Variants in ENTREP3 observed in about 807,000 individuals in gnomAD.
The protein encoded by ENTREP3 is endosomal transmembrane epsin interactor 3, also known as protein ENTREP3.
chr1:155,253,486 T>A, the ENTREP3 span: 2 of 612,332 alleles, frequency 3.3e-6, no homozygotes, highest in Admixed American at 6.4e-5. Context: ...ATTCCTCCAA[T>A]AGATGAGGAT....
chr1:155,248,392 C>G, the ENTREP3 span: 2 of 1,613,966 alleles, frequency 1.2e-6, no homozygotes, highest in African/African-American at 2.7e-5. Context: ...GGGGCGCAAA[C>G]CACATGCCTG....
At chr1:155,250,908 C>T in the ENTREP3 span, 6 of 1,379,040 alleles carry the variant, frequency 4.4e-6, no homozygotes, top group South Asian at 6.8e-5. The surrounding 1 kb of genome is among the most constrained non-coding windows in gnomAD (Gnocchi z 5.4). Flanking sequence ...AGCCCAGCCT[C>T]TAGGGGCCAC....
At chr1:155,253,718 G>A in the ENTREP3 span, 24 of 1,609,042 alleles carry the variant, frequency 1.5e-5, no homozygotes, top group African/African-American at 1.3e-4. Flanking sequence ...GCCCACAGAC[G>A]CTGAAGAGCA....
At chr1:155,253,658 G>A in the ENTREP3 span, 1 of 1,613,964 alleles carries the variant, frequency 6.2e-7, no homozygotes, top group Non-Finnish European at 8.5e-7. Context: ...AGATTTGGAT[G>A]CAGCAGACAA....
the ENTREP3 span, chr1:155,254,884 T>A: frequency 6.4e-7 from 1 of 1,551,592 alleles, no homozygotes; most frequent in Admixed American, 1.9e-5. The surrounding 1 kb of genome is among the most constrained non-coding windows in gnomAD (Gnocchi z 4.4). Context: ...TCATGCCTGC[T>A]GCCCGGTTGC....
the ENTREP3 span, chr1:155,248,079 T>C: frequency 6.2e-7 from 1 of 1,614,224 alleles, no homozygotes; most frequent in Non-Finnish European, 8.5e-7. Context: ...CCAGTCCCAC[T>C]GGGGTCTGGG....
At chr1:155,250,213 C>G in the ENTREP3 span, 3 of 1,430,802 alleles carry the variant, frequency 2.1e-6, no homozygotes, top group Non-Finnish European at 2.8e-6. The surrounding 1 kb of genome is among the most constrained non-coding windows in gnomAD (Gnocchi z 5.4). Context: ...GTGGGCATCA[C>G]TGGCCACCTA....
the ENTREP3 span, chr1:155,255,154 T>G: frequency 5.5e-6 from 3 of 542,766 alleles, no homozygotes; most frequent in Non-Finnish European, 6.6e-6. The surrounding 1 kb of genome is among the most constrained non-coding windows in gnomAD (Gnocchi z 5.6). Flanking sequence ...CACCGGCTCA[T>G]CGCATCTCCC....
chr1:155,248,422 A>G, the ENTREP3 span: 2 of 1,614,034 alleles, frequency 1.2e-6, no homozygotes, highest in East Asian at 2.2e-5. Flanking sequence ...TGCAGAGGAA[A>G]CAGAAGCAGC....
At chr1:155,254,272 C>T in the ENTREP3 span, 1 of 1,490,494 alleles carries the variant, frequency 6.7e-7, no homozygotes, top group Non-Finnish European at 9.4e-7. The surrounding 1 kb of genome is among the most constrained non-coding windows in gnomAD (Gnocchi z 4.4). Context: ...CCCCCTCCTT[C>T]ACAGACACTT....
chr1:155,250,674 C>T, the ENTREP3 span: 3 of 1,612,472 alleles, frequency 1.9e-6, no homozygotes, highest in South Asian at 3.3e-5. The surrounding 1 kb of genome is among the most constrained non-coding windows in gnomAD (Gnocchi z 5.4). Flanking sequence ...GTAGCCGGCA[C>T]GGCTGCGCTG....
At chr1:155,250,757 C>T in the ENTREP3 span, 5 of 1,612,288 alleles carry the variant, frequency 3.1e-6, no homozygotes, top group South Asian at 1.1e-5. The surrounding 1 kb of genome is among the most constrained non-coding windows in gnomAD (Gnocchi z 5.4). Flanking sequence ...AGTCCTCCGA[C>T]GGGCTAGAGC....
the ENTREP3 span, chr1:155,250,896 C>T: frequency 4.1e-6 from 6 of 1,446,384 alleles, no homozygotes; most frequent in Non-Finnish European, 3.7e-6. This position sits in a 1 kb window ranked among gnomAD's most constrained non-coding sequence, Gnocchi z 5.4. Flanking sequence ...CCTCTTCTCC[C>T]AAGCCCAGCC....
At chr1:155,248,022 C>A in the ENTREP3 span, 9 of 1,614,028 alleles carry the variant, frequency 5.6e-6, no homozygotes, top group Non-Finnish European at 7.6e-6. Flanking sequence ...CTTTCCCAAA[C>A]ATCTTTCCTG....
At chr1:155,249,884 TCAAAAA>T in the ENTREP3 span, among the ~76,000 whole-genome samples, 1 of 116,832 alleles carries the variant, frequency 8.6e-6, no homozygotes. Context: ...AGACACCGTC[TCAAAAA>T]AAAAAAAAAA....
chr1:155,253,835 G>T, the ENTREP3 span: 1 of 1,611,762 alleles, frequency 6.2e-7, no homozygotes, highest in Non-Finnish European at 8.5e-7. Context: ...GAACCAGGAG[G>T]ATGTTTGCAG....
chr1:155,248,161 G>C, the ENTREP3 span: 1 of 1,614,038 alleles, frequency 6.2e-7, no homozygotes, highest in South Asian at 1.1e-5. Flanking sequence ...GGTCCCCCAG[G>C]GAGTGGGCAG....
the ENTREP3 span, chr1:155,251,355 A>G: frequency 1.4e-6 from 1 of 727,576 alleles, no homozygotes; most frequent in Non-Finnish European, 2.3e-6. Flanking sequence ...ACCAGGCTCT[A>G]GGGAAGATCA....
At chr1:155,250,574 G>A in the ENTREP3 span, 5 of 1,600,462 alleles carry the variant, frequency 3.1e-6, no homozygotes, top group East Asian at 9.0e-5. The surrounding 1 kb of genome is among the most constrained non-coding windows in gnomAD (Gnocchi z 5.4). Flanking sequence ...CAGGGGCAGA[G>A]CAGGAATAGG....
Sources: allele counts gnomAD v4.1 joint callset (sites outside exome capture counted in the v4.1 genomes callset), GRCh38; gene constraint gnomAD v4.1.1; non-coding constraint Gnocchi (gnomAD v3.1); transcripts MANE v1.5; gene names NCBI Gene and HGNC (gene_info 2026-07-23, HGNC 2026-07-21).